The following PRDM16 variants were observed in gnomAD, a reference collection of about 807,000 sequenced individuals.
The protein encoded by PRDM16 is PR/SET domain 16, also known as histone-lysine N-methyltransferase PRDM16.
A neutral mutation model predicts 110.6 loss-of-function variants in PRDM16; 23 were observed. That is an observed-to-expected ratio of 0.21 (90% confidence interval 0.15 to 0.29). The LOEUF (loss-of-function observed/expected upper bound fraction) is 0.29, where lower values mean the gene tolerates loss of function less well. Ranked by LOEUF, PRDM16 falls within the 10% of genes least tolerant of loss-of-function variation. The pLI is 1.00. For synonymous variants in PRDM16, 799 were observed against 781.8 expected, an observed-to-expected ratio of 1.02 and a Z score of -0.37; for missense variants, 1,615 against 1,794.3, an observed-to-expected ratio of 0.90 and a Z score of 1.81.
At chr1:3,352,223 G>A (rs1021527396) in intron 3 of PRDM16, among the ~76,000 whole-genome samples, 9 of 152,288 alleles carry the variant, frequency 5.9e-5, no homozygotes, top group African/African-American at 1.9e-4. Context: ...CTCTGCCATG[G>A]GCTGGTGCTC....
At chr1:3,269,486 AGAGGAGGACAGTCCAG>A (rs890381170) in intron 3 of PRDM16, among the ~76,000 whole-genome samples, 1 of 140,436 alleles carries the variant, frequency 7.1e-6, no homozygotes, top group Admixed American at 7.1e-5. Flanking sequence ...GGAAAGTCCC[AGAGGAGGACAGTCCAG>A]GAGGAGGACA....
chr1:3,418,820 G>C, intron 12 of PRDM16, 76 bp downstream of exon 12: 1 of 1,136,702 alleles, frequency 8.8e-7, no homozygotes, highest in East Asian at 2.4e-5. Context: ...CTAGGAGTAA[G>C]TATGCCATTC....
chr1:3,431,116 C>G lies in PRDM16; in HGVS notation c.3521+8C>G. ...CTTTGACCACACCCGAAGGTGGGGG[C>G]AGCCGTGTGCTCCAGGATGGGGCAG... On this transcript the variant is annotated splice_region_variant and intron_variant, in intron 15 of 16. Transcript: ENST00000270722. 6.5e-7 allele frequency: 1 copy of G among 1,548,896 alleles called. No homozygotes were observed. The highest frequency in any genetic ancestry group is 2.3e-4 in the Middle Eastern group (1 of 4,420).
At chr1:3,216,842 C>G (rs1028301831) in intron 2 of PRDM16, among the ~76,000 whole-genome samples, 1 of 152,218 alleles carries the variant, frequency 6.6e-6, no homozygotes, top group Non-Finnish European at 1.5e-5. Context: ...GCCAGTCATC[C>G]GTGACTGCCA....
chr1:3,249,659 T>C (rs1639880707), intron 3 of PRDM16, among the ~76,000 whole-genome samples: 1 of 152,228 alleles, frequency 6.6e-6, no homozygotes, highest in Non-Finnish European at 1.5e-5. Flanking sequence ...TGTGTTTAGC[T>C]GCCCCGGAGA....
At chr1:3,082,434 C>A (rs10909873) in intron 1 of PRDM16, among the ~76,000 whole-genome samples, 2 of 152,034 alleles carry the variant, frequency 1.3e-5, no homozygotes, top group Admixed American at 6.5e-5. Flanking sequence ...GTAGGAAACC[C>A]AGGGTGAGGG....
Position 3,107,856 on chromosome 1 carries a change from G to T in PRDM16, c.37+38560G>T, listed in dbSNP as rs139820082. Reference sequence around the variant, plus strand: ...CAAGCCACTACTGGCCAAGCTCTGGGCCTCAATGACCATGCCATGTGTCTA... The same window carrying T: ...CAAGCCACTACTGGCCAAGCTCTGGTCCTCAATGACCATGCCATGTGTCTA... On this transcript the variant is annotated intron_variant, in intron 1 of 16. Coordinates refer to ENST00000270722, the MANE Select transcript of PRDM16 (RefSeq NM_022114.4). Among the ~76,000 whole-genome samples, 5 of 152,380 alleles carry T rather than the reference G, an allele frequency of 3.3e-5. No homozygotes were observed. The East Asian group carries it at 7.7e-4, about 23-fold the overall frequency.
rs965695199 is a variant in PRDM16 at position 3,213,490 on chromosome 1, G to A, written c.387+27016G>A. On this transcript the variant is annotated intron_variant, in intron 2 of 16. Coordinates refer to ENST00000270722, the MANE Select transcript of PRDM16 (RefSeq NM_022114.4). This position sits in a 1 kb window ranked among gnomAD's most constrained non-coding sequence, Gnocchi z 5.3. ...AATCGGGCAGTCACCCCAGCTGTGC[G>A]GGTGCCCCCCTGGGTTTGGTTGTGC... Among the ~76,000 whole-genome samples, 2 of 152,184 alleles carry A rather than the reference G, an allele frequency of 1.3e-5. No individual in the cohort carries two copies. The highest frequency in any genetic ancestry group is 6.5e-5 in the Admixed American group (1 of 15,274).
chr1:3,380,798 A>G (rs1284079732), intron 3 of PRDM16, among the ~76,000 whole-genome samples: 1 of 152,220 alleles, frequency 6.6e-6, no homozygotes, highest in African/African-American at 2.4e-5. Flanking sequence ...GGGAGAGCCT[A>G]TCCCCCAAGA....
intron 1 of PRDM16, among the ~76,000 whole-genome samples, chr1:3,156,410 T>C (rs967334152): frequency 1.3e-5 from 2 of 152,204 alleles, no homozygotes; most frequent in East Asian, 3.8e-4. Flanking sequence ...AAAGTAGCCA[T>C]TGCTTCTATT....
intron 3 of PRDM16, among the ~76,000 whole-genome samples, chr1:3,311,493 C>G (rs1641460076): frequency 1.3e-5 from 2 of 152,214 alleles, no homozygotes; most frequent in Non-Finnish European, 1.5e-5. Context: ...CTCAGGGTAG[C>G]CTGGAGCTGC....
rs1208037513 is a variant in PRDM16 at position 3,359,501 on chromosome 1, G to A, written c.439-25651G>A. Among the ~76,000 whole-genome samples the A allele has an allele frequency of 6.6e-6, 1 of 151,902 alleles. No homozygotes were observed. The highest frequency in any genetic ancestry group is 2.0e-4 in the East Asian group (1 of 5,116). ...CAAAGCAGCAAGAATTGCGGCCCGG[G>A]AGCAGTGGCTGCAGCCTCCCGAGGT... On this transcript the variant is annotated intron_variant, in intron 3 of 16. Coordinates refer to ENST00000270722, the MANE Select transcript of PRDM16 (RefSeq NM_022114.4). This position sits in a 1 kb window ranked among gnomAD's most constrained non-coding sequence, Gnocchi z 4.3.
intron 2 of PRDM16, among the ~76,000 whole-genome samples, chr1:3,210,768 C>T (rs1569851173): frequency 1.3e-5 from 2 of 152,348 alleles, no homozygotes; most frequent in East Asian, 3.9e-4. Flanking sequence ...ATTTCTTTAT[C>T]CATTCATAGA....
chr1:3,270,079 C>T (rs965400535), intron 3 of PRDM16, among the ~76,000 whole-genome samples: 7 of 148,226 alleles, frequency 4.7e-5, no homozygotes, highest in African/African-American at 7.5e-5. Context: ...AGAGGACAGT[C>T]CCAGAGGATG....
rs1638763583 is a variant in PRDM16, at chr1:3,206,839, G to A, written c.387+20365G>A. The A allele has an allele frequency of 2.0e-5, 3 of 152,302 alleles. No individual in the cohort carries two copies. Among genetic ancestry groups the A allele is most frequent in the Admixed American group, 2.0e-4 (3 of 15,290 alleles). The allele number at this position is 152,302 out of a possible 1,614,324, so 9.4% of individuals were successfully genotyped here. A position where few individuals can be genotyped will look rare whatever the true frequency, so the allele number is the denominator to read the frequency against. On this transcript the variant is annotated intron_variant, in intron 2 of 16. Transcript: ENST00000270722. The surrounding 1 kb of genome is among the most constrained non-coding windows in gnomAD (Gnocchi z 4.9). ...AGAATCCGAGTTTTCTGCAGAGGGA[G>A]ACACAGCCTGACACCTGGGACCTGT...
At chr1:3,298,180 A>G (rs1641130925) in intron 3 of PRDM16, among the ~76,000 whole-genome samples, 1 of 152,222 alleles carries the variant, frequency 6.6e-6, no homozygotes, top group African/African-American at 2.4e-5. Flanking sequence ...TCCTTAAATC[A>G]GTAGATTCCC....
rs1304246992 is a variant in PRDM16, at chr1:3,370,191, G to T, written c.439-14961G>T. On this transcript the variant is annotated intron_variant, in intron 3 of 16. Coordinates refer to ENST00000270722, the MANE Select transcript of PRDM16 (RefSeq NM_022114.4). The surrounding 1 kb of genome is among the most constrained non-coding windows in gnomAD (Gnocchi z 4.8). ...CCCACCGTGGCCTCTGCTTTGGGGAGACTGGCCACTGTGACACTGCACCTA... is the reference window on the plus strand; with the variant it reads ...CCCACCGTGGCCTCTGCTTTGGGGATACTGGCCACTGTGACACTGCACCTA... Among the ~76,000 whole-genome samples, 1 of 152,166 alleles carries T rather than the reference G, an allele frequency of 6.6e-6. No homozygotes were observed. The highest frequency in any genetic ancestry group is 1.5e-5 in the Non-Finnish European group (1 of 68,038).
intron 2 of PRDM16, among the ~76,000 whole-genome samples, chr1:3,193,712 AAAATGTAAGAGTGAGTGCCCCTCCCAC>A: frequency 6.6e-6 from 1 of 152,244 alleles, no homozygotes; most frequent in African/African-American, 2.4e-5. Context: ...AATGCATAGG[AAAATGTAAGAGTGAGTGCCCCTCCCAC>A]ATGTCGGTCT....
chr1:3,113,645 C>G (rs534125638), intron 1 of PRDM16, among the ~76,000 whole-genome samples: 1 of 152,234 alleles, frequency 6.6e-6, no homozygotes, highest in Non-Finnish European at 1.5e-5. Flanking sequence ...CACTGCAGGG[C>G]GCTGAGCAGC....
Sources: allele counts gnomAD v4.1 joint callset (sites outside exome capture counted in the v4.1 genomes callset), GRCh38; gene constraint gnomAD v4.1.1; non-coding constraint Gnocchi (gnomAD v3.1); transcripts MANE v1.5; gene names NCBI Gene and HGNC (gene_info 2026-07-23, HGNC 2026-07-21).